Variants in HDAC9 observed in about 807,000 individuals in gnomAD.
The protein encoded by HDAC9 is MEF-2 interacting transcription repressor (MITR) protein.
A neutral mutation model predicts 139.4 loss-of-function variants in HDAC9; 41 were observed. The ratio of observed to expected loss-of-function variants is 0.29; its 90% confidence interval spans 0.23 to 0.38. The LOEUF (loss-of-function observed/expected upper bound fraction) is 0.38, where lower values mean the gene tolerates loss of function less well. Among genes scored for constraint, HDAC9 ranks in the 10% least tolerant of loss-of-function variants. The pLI is 1.00. For synonymous variants in HDAC9, 517 were observed against 476.2 expected (o/e 1.09, Z -1.12); for missense variants, 1,147 against 1,297.0 (o/e 0.88, Z 1.78).
intron 1 of HDAC9, among the ~76,000 whole-genome samples, chr7:18,328,988 A>G (rs888610493): frequency 1.3e-5 from 2 of 151,706 alleles, no homozygotes; most frequent in Non-Finnish European, 2.9e-5. Context: ...CTCCTTACTC[A>G]TTATTGATCT....
intron 1 of HDAC9, among the ~76,000 whole-genome samples, chr7:18,315,032 A>G (rs1301948743): frequency 6.6e-6 from 1 of 152,184 alleles, no homozygotes; most frequent in Non-Finnish European, 1.5e-5. Flanking sequence ...GAACTAAATA[A>G]TATTAACCAC....
At chr7:18,507,945 C>T (rs1800311611) in intron 2 of HDAC9, among the ~76,000 whole-genome samples, 1 of 152,150 alleles carries the variant, frequency 6.6e-6, no homozygotes, top group South Asian at 2.1e-4. Flanking sequence ...GCATCCTGAC[C>T]ACTCTTTTAA....
intron 1 of HDAC9, among the ~76,000 whole-genome samples, chr7:18,366,613 C>A (rs1784200648): frequency 6.6e-6 from 1 of 152,078 alleles, no homozygotes; most frequent in South Asian, 2.1e-4. Context: ...TCCATAACCA[C>A]ATTTTTTCTT....
At chr7:18,506,405 C>G (rs1283442210) in intron 2 of HDAC9, among the ~76,000 whole-genome samples, 2 of 152,132 alleles carry the variant, frequency 1.3e-5, no homozygotes, top group Non-Finnish European at 2.9e-5. Context: ...GTTAATATTG[C>G]TCATAAACAG....
At chr7:18,285,776 T>A (rs1797400704), upstream of HDAC9, among the ~76,000 whole-genome samples, 1 of 152,106 alleles carries the variant, frequency 6.6e-6, no homozygotes, top group Non-Finnish European at 1.5e-5. Context: ...TTAGACACTT[T>A]GTGTTCCAGT....
chr7:18,881,991 A>G lies in HDAC9; in HGVS notation c.2803+7395A>G, dbSNP rs764595579. Among the ~76,000 whole-genome samples the G allele has an allele frequency of 1.1e-3, 161 of 152,208 alleles. 2 individuals are homozygous for G. The highest frequency in any genetic ancestry group is 1.9e-3 in the Admixed American group (29 of 15,278). On this transcript the variant is annotated intron_variant, in intron 22 of 25. Coordinates refer to ENST00000686413, the MANE Select transcript of HDAC9 (RefSeq NM_178425.4). ...ATACTATGCAGCATTAATTCTTCGA[A>G]GTATTGTCTTATCCAGCTACCATCA...
intron 8 of HDAC9, among the ~76,000 whole-genome samples, chr7:18,635,134 A>G (rs1454800085): frequency 1.3e-5 from 2 of 151,888 alleles, no homozygotes; most frequent in South Asian, 2.1e-4. Flanking sequence ...CTGCCTGACA[A>G]TTATGTAACT....
chr7:18,230,582 G>A, intron 2 of HDAC9, among the ~76,000 whole-genome samples: 1 of 152,188 alleles, frequency 6.6e-6, no homozygotes, highest in East Asian at 1.9e-4. Context: ...AGAATTAAAT[G>A]TTGTGCTCAA....
At chr7:18,319,541 G>A (rs550029379) in intron 1 of HDAC9, among the ~76,000 whole-genome samples, 16 of 152,270 alleles carry the variant, frequency 1.1e-4, no homozygotes, top group African/African-American at 3.9e-4. Context: ...AATTTTATGA[G>A]TTCCCCATCA....
chr7:18,111,787 T>C (rs2128083844), intron 1 of HDAC9, among the ~76,000 whole-genome samples: 1 of 152,190 alleles, frequency 6.6e-6, no homozygotes, highest in African/African-American at 2.4e-5. Flanking sequence ...ATGGAAAGGG[T>C]TGGGAATGTT....
At chr7:18,626,454 G>T (rs1372844767) in intron 6 of HDAC9, among the ~76,000 whole-genome samples, 1 of 152,160 alleles carries the variant, frequency 6.6e-6, no homozygotes, top group Non-Finnish European at 1.5e-5. Context: ...GGAAAATGAA[G>T]AAAATCCCTC....
At chr7:18,856,912 C>T (rs1053356481) in intron 21 of HDAC9, among the ~76,000 whole-genome samples, 3 of 152,098 alleles carry the variant, frequency 2.0e-5, no homozygotes, top group East Asian at 1.9e-4. Context: ...GAATGATCAC[C>T]GCTGGGTCAC....
At chr7:18,375,202 G>A (rs915191542) in intron 1 of HDAC9, among the ~76,000 whole-genome samples, 1 of 152,218 alleles carries the variant, frequency 6.6e-6, no homozygotes, top group African/African-American at 2.4e-5. Flanking sequence ...GGGTGAGGCG[G>A]CTCACGCCTG....
At chr7:18,096,076 C>T (rs373798390) in intron 1 of HDAC9, among the ~76,000 whole-genome samples, 34 of 152,134 alleles carry the variant, frequency 2.2e-4, no homozygotes, top group African/African-American at 6.3e-4. Flanking sequence ...AACATCTTTT[C>T]GTTCCCTTGA....
intron 2 of HDAC9, among the ~76,000 whole-genome samples, chr7:18,576,312 G>A (rs1825915169): frequency 6.6e-6 from 1 of 152,128 alleles, no homozygotes; most frequent in African/African-American, 2.4e-5. Context: ...CGTAACAGAA[G>A]TGCTTTAATA....
At chr7:18,703,296 A>C (rs913737640) in intron 12 of HDAC9, among the ~76,000 whole-genome samples, 1 of 152,142 alleles carries the variant, frequency 6.6e-6, no homozygotes, top group East Asian at 1.9e-4. Flanking sequence ...GTATTTTGTA[A>C]GTTGTAATTA....
intron 6 of HDAC9, among the ~76,000 whole-genome samples, chr7:18,598,199 C>T (rs1050223963): frequency 3.9e-5 from 6 of 152,100 alleles, no homozygotes; most frequent in Non-Finnish European, 7.4e-5. Context: ...CATACATGAA[C>T]ATTATACACA....
chr7:18,678,868 G>C (rs1361061537), intron 12 of HDAC9, among the ~76,000 whole-genome samples: 2 of 151,826 alleles, frequency 1.3e-5, no homozygotes, highest in Non-Finnish European at 2.9e-5. Flanking sequence ...ATGTTCACTT[G>C]AAACATTCAA....
At chr7:18,987,842 A>G (rs940699863) in intron 25 of HDAC9, among the ~76,000 whole-genome samples, 5 of 152,126 alleles carry the variant, frequency 3.3e-5, no homozygotes, top group African/African-American at 1.2e-4. Context: ...TAGATTTTCT[A>G]GTTTATTGGC....
Sources: gnomAD v4.1 joint callset for allele counts (sites outside exome capture counted in the v4.1 genomes callset) on GRCh38, gnomAD v4.1.1 for gene constraint, MANE v1.5 for transcripts, NCBI Gene and HGNC (gene_info 2026-07-23, HGNC 2026-07-21) for gene names.